HELZ: variants seen among roughly 807,000 people sequenced by gnomAD.
The protein encoded by HELZ is ATP-dependent RNA helicase with zinc finger domain.
HELZ carries 23 observed loss-of-function variants against 218.2 expected under a neutral mutation model. The ratio of observed to expected loss-of-function variants is 0.11; its 90% CI spans 0.08 to 0.15. The LOEUF (loss-of-function observed/expected upper bound fraction) is 0.15, where lower values mean the gene tolerates loss of function less well. Ranked by LOEUF, HELZ falls within the 10% of genes least tolerant of loss-of-function variation. HELZ has a pLI of 1.00. For synonymous variants in HELZ, 814 were observed against 829.4 expected (o/e 0.98, Z 0.32); for missense variants, 1,813 against 2,353.7 (o/e 0.77, Z 4.75).
intron 7 of HELZ, among the ~76,000 whole-genome samples, chr17:67,199,370 G>T (rs1400269853): frequency 6.6e-6 from 1 of 151,974 alleles, no homozygotes; most frequent in Non-Finnish European, 1.5e-5. Flanking sequence ...CTGCCACCAT[G>T]CCTGACTAAT....
At chr17:67,235,961 C>T (rs954810673) in intron 3 of HELZ, among the ~76,000 whole-genome samples, 14 of 151,994 alleles carry the variant, frequency 9.2e-5, no homozygotes, top group South Asian at 4.1e-4. Flanking sequence ...GGGGTTTCAT[C>T]GTGTTAGCCA....
At chr17:67,210,527 T>C (rs993535349) in intron 5 of HELZ, among the ~76,000 whole-genome samples, 5 of 152,256 alleles carry the variant, frequency 3.3e-5, no homozygotes, top group Non-Finnish European at 2.9e-5. Context: ...ATGTTTATGA[T>C]GGTTAAGTTT....
intron 13 of HELZ, among the ~76,000 whole-genome samples, chr17:67,170,848 G>A (rs937996103): frequency 2.0e-5 from 3 of 151,312 alleles, no homozygotes; most frequent in African/African-American, 7.3e-5. Context: ...AAAAGAGCAG[G>A]AACCCTTACT....
intron 29 of HELZ, 62 bp downstream of exon 29, chr17:67,109,054 A>C: frequency 7.7e-7 from 1 of 1,304,022 alleles, no homozygotes; most frequent in South Asian, 1.4e-5. Context: ...AAATGATATT[A>C]TACAGTCCAA....
chr17:67,136,494 T>C (rs1206065130), intron 22 of HELZ, among the ~76,000 whole-genome samples: 1 of 152,198 alleles, frequency 6.6e-6, no homozygotes, highest in Non-Finnish European at 1.5e-5. Flanking sequence ...GATATCTGTA[T>C]ATCCACGTTC....
chr17:67,107,728 C>T, intron 30 of HELZ, 43 bp from the exon 31 acceptor site: 1 of 1,546,212 alleles, frequency 6.5e-7, no homozygotes, highest in Non-Finnish European at 8.7e-7. Flanking sequence ...CAAAAGGCTC[C>T]ATCACATTAA....
At chr17:67,101,356 C>G (rs977646659) in intron 31 of HELZ, among the ~76,000 whole-genome samples, 1 of 151,970 alleles carries the variant, frequency 6.6e-6, no homozygotes, top group Non-Finnish European at 1.5e-5. Flanking sequence ...CCTCCTCCCC[C>G]ATCCACTCCA....
At chr17:67,156,113 A>C (rs1476513653) in intron 17 of HELZ, among the ~76,000 whole-genome samples, 1 of 151,124 alleles carries the variant, frequency 6.6e-6, no homozygotes, top group East Asian at 1.9e-4. Context: ...TTGGTGAACA[A>C]TGGCTAGGTT....
At chr17:67,235,405 T>C (rs2041151428) in intron 3 of HELZ, among the ~76,000 whole-genome samples, 2 of 151,662 alleles carry the variant, frequency 1.3e-5, no homozygotes, top group Non-Finnish European at 2.9e-5. Context: ...CTCAGGAGGC[T>C]GAGGCAGGAA....
Position 67,075,974 on chromosome 17 carries a change from G to A in HELZ, c.*2278C>T, listed in dbSNP as rs933970725. 2 of 152,414 alleles carry A rather than the reference G, an allele frequency of 1.3e-5. No homozygotes were observed. The highest frequency in any genetic ancestry group is 6.6e-5 in the Admixed American group (1 of 15,266). 9.4% of individuals were successfully genotyped at this position (152,414 alleles called of 1,614,324 possible). A position where few individuals can be genotyped will look rare whatever the true frequency, so the allele number is the denominator to read the frequency against. On this transcript the variant is annotated 3_prime_UTR_variant, in exon 33 of 33. Transcript: ENST00000358691. ...ATATAAGGTGATGGGGTGCATACAC[G>A]ACCCCATGACCCTTAACTAAATATA...
Position 67,079,412 on chromosome 17 carries a change from T to C in HELZ, c.5495-826A>G, listed in dbSNP as rs371010903. 5.3e-5 allele frequency among the ~76,000 whole-genome samples: 8 copies of C among 152,354 alleles called. No homozygotes were observed. In the South Asian group the frequency reaches 6.2e-4, roughly 12 times the overall value. ...TTTAGAGTATTTCATAACTTACTTA[T>C]GTAATGTCTCATTTTTAGAAATTTT... On this transcript the variant is annotated intron_variant, in intron 32 of 32. Transcript: ENST00000358691.
At chr17:67,186,111 C>T (rs2144268460) in intron 12 of HELZ, among the ~76,000 whole-genome samples, 1 of 151,882 alleles carries the variant, frequency 6.6e-6, no homozygotes, top group East Asian at 1.9e-4. Context: ...CCTCTGCTTG[C>T]ACCCTAGTCC....
chr17:67,153,643 A>G (rs2038756606), intron 17 of HELZ, among the ~76,000 whole-genome samples: 1 of 152,234 alleles, frequency 6.6e-6, no homozygotes, highest in African/African-American at 2.4e-5. Context: ...AATATGTAGC[A>G]TAATGCCTGG....
At chr17:67,174,688 C>A (rs773266796) in intron 13 of HELZ, among the ~76,000 whole-genome samples, 1 of 152,132 alleles carries the variant, frequency 6.6e-6, no homozygotes, top group Admixed American at 6.6e-5. Flanking sequence ...ATCCCAGCTA[C>A]TCAGAAGGCT....
chr17:67,093,645 A>AC (rs1229550587), intron 31 of HELZ, among the ~76,000 whole-genome samples: 2 of 152,158 alleles, frequency 1.3e-5, no homozygotes, highest in African/African-American at 4.8e-5. Flanking sequence ...ATCTTATTTC[A>AC]TTCCTAATCA....
chr17:67,175,533 CTT>C (rs1028860693), intron 13 of HELZ, among the ~76,000 whole-genome samples: 2 of 152,214 alleles, frequency 1.3e-5, no homozygotes, highest in Admixed American at 6.5e-5. Context: ...CTGTCACAGA[CTT>C]TTGAAAATCT....
Position 67,078,408 on chromosome 17 carries a change from C to T in HELZ, c.5673G>A (p.Lys1891=). 6.2e-7 allele frequency: 1 copy of T among 1,600,838 alleles called. No homozygotes were observed. The highest frequency in any genetic ancestry group is 1.1e-5 in the South Asian group (1 of 88,776). ...SSSPQSSAGG[K]PAMSYASALR... is the part of the protein sequence containing the mutation. ...GAGCGCTGGCATAGGACATGGCGGG[C>T]TTGCCCCCCGCAGAGCTCTGGGGGC... Residue 1891 remains lysine (K), a synonymous_variant, in exon 33 of 33, where the codon AAG becomes AAA. Coordinates refer to ENST00000358691, the MANE Select transcript of HELZ (RefSeq NM_014877.4).
At chr17:67,121,250 GACATCT>G (rs1276015620) in intron 26 of HELZ, among the ~76,000 whole-genome samples, 3 of 152,158 alleles carry the variant, frequency 2.0e-5, no homozygotes, top group African/African-American at 7.2e-5. Flanking sequence ...TAAATACAAT[GACATCT>G]GAGCTACTGC....
intron 15 of HELZ, among the ~76,000 whole-genome samples, chr17:67,164,626 T>C (rs140511527): frequency 1.7e-3 from 249 of 150,660 alleles, no homozygotes; most frequent in African/African-American, 5.6e-3. Context: ...AAAAACTTTT[T>C]AAAAAGAATA....
Sources: allele counts gnomAD v4.1 joint callset (sites outside exome capture counted in the v4.1 genomes callset), GRCh38; gene constraint gnomAD v4.1.1; transcripts MANE v1.5; gene names NCBI Gene and HGNC (gene_info 2026-07-23, HGNC 2026-07-21).